Variants in PKP2 observed in about 807,000 individuals in gnomAD.
PKP2 encodes the protein plakophilin 2.
A neutral mutation model predicts 83.4 loss-of-function variants in PKP2; 73 were observed. That is an observed-to-expected ratio of 0.88 (90% CI 0.72 to 1.06). PKP2 has a LOEUF of 1.06. PKP2 is among the 50% of genes least tolerant of loss of function. The probability of loss-of-function intolerance (pLI) is 0.00; values close to 1 mark genes in which losing one functional copy is unlikely to be tolerated. For missense variants in PKP2, 966 were observed against 1,065.4 expected (o/e 0.91, Z 1.30); for synonymous variants, 409 against 430.4 (o/e 0.95, Z 0.62).
At chr12:32,870,653 A>G (rs1956887979) in intron 3 of PKP2, among the ~76,000 whole-genome samples, 1 of 152,204 alleles carries the variant, frequency 6.6e-6, no homozygotes, top group Non-Finnish European at 1.5e-5. Context: ...TGAGGCCTTT[A>G]CAGAGAAGTC....
intron 1 of PKP2, among the ~76,000 whole-genome samples, chr12:32,884,748 C>T (rs1321961967): frequency 6.6e-6 from 1 of 150,778 alleles, no homozygotes; most frequent in Non-Finnish European, 1.5e-5. Context: ...CAGGGATAAA[C>T]TAGTGTGCAT....
In PKP2 at chr12:32,803,968, T is replaced by G. The variant is rs530824437; in HGVS notation, c.2014-1412A>C. On this transcript the variant is annotated intron_variant, in intron 9 of 12. Coordinates refer to ENST00000340811, the MANE Select transcript of PKP2 (RefSeq NM_001005242.3). The stretch of plus-strand genomic sequence containing the variant: ...CTGATAAGCAATCATTTTCTTACAC[T>G]TACACATGTACTTAACAGTTAAAAA... Among the ~76,000 whole-genome samples, 4 of 152,202 alleles carry G rather than the reference T, an allele frequency of 2.6e-5. No individual in the cohort carries two copies. The South Asian group carries it at 8.3e-4, about 32-fold the overall frequency.
intron 5 of PKP2, among the ~76,000 whole-genome samples, chr12:32,842,985 C>CTTT (rs556406976): frequency 2.1e-5 from 3 of 141,064 alleles, no homozygotes; most frequent in Non-Finnish European, 4.6e-5. Context: ...GCAATTCCTA[C>CTTT]TTTTTTTTTT....
At chr12:32,876,720 G>C (rs1956936155) in intron 3 of PKP2, among the ~76,000 whole-genome samples, 1 of 152,100 alleles carries the variant, frequency 6.6e-6, no homozygotes, top group Admixed American at 6.5e-5. Context: ...CGTAGATATG[G>C]GGTTTCATCA....
At chr12:32,868,889 T>C (rs759973188) in intron 4 of PKP2, 38 bp downstream of exon 4, 2 of 1,604,138 alleles carry the variant, frequency 1.2e-6, no homozygotes, top group South Asian at 1.1e-5. Context: ...GAAGTGAAAG[T>C]GTGTTGCGCT....
At chr12:32,796,867 T>C (rs1956131006) in intron 10 of PKP2, among the ~76,000 whole-genome samples, 1 of 152,230 alleles carries the variant, frequency 6.6e-6, no homozygotes, top group South Asian at 2.1e-4. Flanking sequence ...TAAAACATTT[T>C]CATCTTCTTC....
intron 1 of PKP2, among the ~76,000 whole-genome samples, chr12:32,883,640 G>T (rs1591831145): frequency 6.6e-6 from 1 of 152,128 alleles, no homozygotes; most frequent in Non-Finnish European, 1.5e-5. Context: ...CTATTTCAAA[G>T]GATTTGTTTA....
chr12:32,873,451 A>G (rs1457609605), intron 3 of PKP2, among the ~76,000 whole-genome samples: 2 of 151,852 alleles, frequency 1.3e-5, no homozygotes, highest in Non-Finnish European at 2.9e-5. Flanking sequence ...CACACAACCT[A>G]GCACTTGATG....
intron 5 of PKP2, among the ~76,000 whole-genome samples, chr12:32,845,717 C>T (rs1264870688): frequency 6.6e-6 from 1 of 152,084 alleles, no homozygotes; most frequent in Non-Finnish European, 1.5e-5. Context: ...GAGATGAGGA[C>T]AATGACCGCT....
At chr12:32,879,401 G>A (rs1295847577) in intron 1 of PKP2, among the ~76,000 whole-genome samples, 2 of 151,954 alleles carry the variant, frequency 1.3e-5, no homozygotes, top group Non-Finnish European at 2.9e-5. Context: ...GCATAGTGGC[G>A]GGCATCTGTA....
In PKP2 at chr12:32,841,159, C is replaced by T; in HGVS notation, c.1425G>A (p.Met475Ile). 1 of 1,613,674 alleles carries T rather than the reference C, an allele frequency of 6.2e-7. No individual in the cohort carries two copies. The highest frequency in any genetic ancestry group is 8.5e-7 in the Non-Finnish European group (1 of 1,179,634). Reference protein sequence around the residue: ...LSSNDKLKNLMITEALLTLTE... With the variant: ...LSSNDKLKNLIITEALLTLTE... ...TCAGCGTAAGCAATGCTTCTGTTAT[C>T]ATGAGATTCTTGAGTTTGTCATTAG... Residue 475 changes from methionine (M) to isoleucine (I), a missense_variant, in exon 6 of 13, where the codon ATG becomes ATA. Transcript: ENST00000340811.
At position 32,846,812 on chromosome 12, in the gene PKP2, G is replaced by A. The variant is rs185015579; in HGVS notation, c.1378+3954C>T. On this transcript the variant is annotated intron_variant, in intron 5 of 12. Transcript: ENST00000340811. Reference sequence around the variant, plus strand: ...GGAGTGAGGAAGAGCTCTCTGATCAGAGGAGTCTCAAAGACAAGCCCCTTC... The same window carrying A: ...GGAGTGAGGAAGAGCTCTCTGATCAAAGGAGTCTCAAAGACAAGCCCCTTC... Among the ~76,000 whole-genome samples, 1,305 of 149,960 alleles carry A rather than the reference G, an allele frequency of 8.7e-3. 4 individuals are homozygous for A. The highest frequency in any genetic ancestry group is 0.025 in the Middle Eastern group (7 of 280).
Position 32,810,353 on chromosome 12 carries a change from C to T in PKP2, c.2014-7797G>A, listed in dbSNP as rs902993061. Among the ~76,000 whole-genome samples, 17 of 75,040 alleles carry T rather than the reference C, an allele frequency of 2.3e-4. 1 individual carries two copies. Among genetic ancestry groups the T allele is most frequent in the African/African-American group, 5.2e-4 (17 of 32,710 alleles). The allele number at this position is 75,040 out of a possible 152,430, so 49.2% of individuals were successfully genotyped here. ...TTTTTTGCAAAGGTAAGGAGTTCAGCCATCATTTTTTTTTCTCACTTGACA... is the reference window on the plus strand; with the variant it reads ...TTTTTTGCAAAGGTAAGGAGTTCAGTCATCATTTTTTTTTCTCACTTGACA... On this transcript the variant is annotated intron_variant, in intron 9 of 12. Transcript: ENST00000340811.
At chr12:32,888,559 G>A (rs892403177) in intron 1 of PKP2, among the ~76,000 whole-genome samples, 8 of 149,674 alleles carry the variant, frequency 5.3e-5, no homozygotes, top group South Asian at 4.2e-4. Context: ...GCACGATCTC[G>A]GCTCACCGCA....
chr12:32,878,904 T>G lies in PKP2; in HGVS notation c.336+16A>C. 1 of 1,291,014 alleles carries G rather than the reference T, an allele frequency of 7.7e-7. No individual in the cohort carries two copies. Among genetic ancestry groups the G allele is most frequent in the Non-Finnish European group, 1.1e-6 (1 of 886,942 alleles). 80.0% of individuals were successfully genotyped at this position (1,291,014 alleles called of 1,614,324 possible). ...TAGTAATCTGATCACTAGGGTTACA[T>G]TCTTTGATATCCTACCTTTAGCATG... On this transcript the variant is annotated intron_variant, in intron 2 of 12. Transcript: ENST00000340811.
At position 32,896,551 on chromosome 12, in the gene PKP2, G is replaced by A; in HGVS notation, c.181C>T (p.Gln61Ter). ...VKSLRIQEQV[Q>*]QTLARKGRSS... is the part of the protein sequence containing the mutation. Reference sequence around the variant, plus strand: ...CGGCCCTTCCGGGCGAGGGTCTGCTGCACCTGCTCCTGGATCCGCAGGCTC... The same window carrying A: ...CGGCCCTTCCGGGCGAGGGTCTGCTACACCTGCTCCTGGATCCGCAGGCTC... Residue 61 changes from glutamine (Q) to a stop codon, truncating the protein, a stop_gained, in exon 1 of 13, where the codon CAG becomes TAG. Coordinates refer to ENST00000340811, the MANE Select transcript of PKP2 (RefSeq NM_001005242.3). LOFTEE classifies it high-confidence loss of function. 1 of 1,586,284 alleles carries A rather than the reference G, an allele frequency of 6.3e-7. No individual in the cohort carries two copies. Among genetic ancestry groups the A allele is most frequent in the Non-Finnish European group, 8.5e-7 (1 of 1,174,098 alleles).
At chr12:32,869,275 T>A (rs575623043) in intron 3 of PKP2, among the ~76,000 whole-genome samples, 15 of 152,050 alleles carry the variant, frequency 9.9e-5, no homozygotes, top group Admixed American at 5.9e-4. Flanking sequence ...ATAGAAGACA[T>A]TGGACGATGT....
intron 6 of PKP2, among the ~76,000 whole-genome samples, chr12:32,834,566 T>C (rs1956528199): frequency 1.3e-5 from 2 of 152,124 alleles, no homozygotes; most frequent in Non-Finnish European, 2.9e-5. Flanking sequence ...TTTTCCCTTC[T>C]CTAGTCTGAT....
rs1956067832 is a variant in PKP2, at chr12:32,791,648, A to AT, written c.*775dup. The AT allele has an allele frequency of 6.6e-6, 1 of 152,252 alleles. No individual in the cohort carries two copies. The highest frequency in any genetic ancestry group is 2.1e-4 in the South Asian group (1 of 4,816). The allele number at this position is 152,252 out of a possible 1,614,324, so 9.4% of individuals were successfully genotyped here. On this transcript the variant is annotated 3_prime_UTR_variant, in exon 13 of 13. Coordinates refer to ENST00000340811, the MANE Select transcript of PKP2 (RefSeq NM_001005242.3). ...TAAAGTATCTCCTGAGAAAAATCTC[A>AT]TTGACTCAGTGTTTGGGGGAACGTT...
Sources: allele counts gnomAD v4.1 joint callset (sites outside exome capture counted in the v4.1 genomes callset), GRCh38; gene constraint gnomAD v4.1.1; transcripts MANE v1.5; gene names NCBI Gene and HGNC (gene_info 2026-07-23, HGNC 2026-07-21).